NEUROD4: variants seen among roughly 807,000 people sequenced by gnomAD.
The protein encoded by NEUROD4 is neuronal differentiation 4, also known as neurogenic differentiation factor 4.
NEUROD4 carries 16 observed loss-of-function variants against 19.8 expected under a neutral mutation model. The ratio of observed to expected loss-of-function variants is 0.81; its 90% CI spans 0.55 to 1.23. The LOEUF (loss-of-function observed/expected upper bound fraction) is 1.23, where lower values mean the gene tolerates loss of function less well. NEUROD4 is among the 50% of genes most tolerant of loss of function. The probability of loss-of-function intolerance (pLI) is 0.00; values close to 1 mark genes in which losing one functional copy is unlikely to be tolerated. For synonymous variants in NEUROD4, 153 were observed against 147.9 expected, an observed-to-expected ratio of 1.03 and a Z score of -0.25; for missense variants, 439 against 398.6, an observed-to-expected ratio of 1.10 and a Z score of -0.86.
Position 55,029,528 on chromosome 12 carries a change from A to C in NEUROD4, c.*2093A>C, listed in dbSNP as rs1011801902. The C allele has an allele frequency of 6.0e-6, 1 of 167,014 alleles. No homozygotes were observed. Among genetic ancestry groups the C allele is most frequent in the Non-Finnish European group, 1.5e-5 (1 of 68,108 alleles). 10.3% of individuals were successfully genotyped at this position (167,014 alleles called of 1,614,324 possible). A position where few individuals can be genotyped will look rare whatever the true frequency, so the allele number is the denominator to read the frequency against. ...TTTATTTCTCTCTTCCTTTCACGAA[A>C]ATTCCTTTAGCCCCATAGATGTGCT... On this transcript the variant is annotated 3_prime_UTR_variant, in exon 2 of 2. Transcript: ENST00000242994.
intron 1 of NEUROD4, among the ~76,000 whole-genome samples, chr12:55,026,227 GA>G (rs1258261778): frequency 6.6e-6 from 1 of 152,086 alleles, no homozygotes; most frequent in African/African-American, 2.4e-5. Context: ...ACACTGCAAT[GA>G]ATAATCAAGT....
chr12:55,022,255 G>C lies in NEUROD4; in HGVS notation c.-10+1942G>C, dbSNP rs559985145. Among the ~76,000 whole-genome samples, 9 of 152,178 alleles carry C rather than the reference G, an allele frequency of 5.9e-5. No homozygotes were observed. The South Asian group carries it at 1.9e-3, about 32-fold the overall frequency. The stretch of plus-strand genomic sequence containing the variant: ...TCCATGCTTCTTTCAGTACACCTGT[G>C]AGATGGTTCCTTAACAGGCTGAAAG... On this transcript the variant is annotated intron_variant, in intron 1 of 1. Coordinates refer to ENST00000242994, the MANE Select transcript of NEUROD4 (RefSeq NM_021191.3).
At chr12:55,020,775 G>A (rs1952668647) in intron 1 of NEUROD4, among the ~76,000 whole-genome samples, 1 of 152,108 alleles carries the variant, frequency 6.6e-6, no homozygotes, top group Non-Finnish European at 1.5e-5. Flanking sequence ...AACAGAATGA[G>A]GAATCAGAGA....
Position 55,027,307 on chromosome 12 carries a change from T to C in NEUROD4, c.868T>C (p.Ser290Pro), listed in dbSNP as rs1474068393. 6.2e-7 allele frequency: 1 copy of C among 1,614,140 alleles called. No individual in the cohort carries two copies. Among genetic ancestry groups the C allele is most frequent in the East Asian group, 2.2e-5 (1 of 44,870 alleles). ...ACATTACCCTTCTTCAAGTCTAAGC[T>C]CAGGGCATGTGCATTCAACTCCTTT... ...MPHYPSSSLS[S>P]GHVHSTPFQA... The change falls in exon 2 of 2, where the codon TCA becomes CCA. Residue 290 changes from serine (S) to proline (P), a missense_variant. By Grantham distance (74) the Ser-to-Pro change is moderately conservative. Transcript: ENST00000242994.
Position 55,029,361 on chromosome 12 carries a change from C to G in NEUROD4, c.*1926C>G, listed in dbSNP as rs941335905. The G allele has an allele frequency of 6.0e-6, 1 of 166,904 alleles. No individual in the cohort carries two copies. The highest frequency in any genetic ancestry group is 1.5e-5 in the Non-Finnish European group (1 of 68,092). 10.3% of individuals were successfully genotyped at this position (166,904 alleles called of 1,614,324 possible). On this transcript the variant is annotated 3_prime_UTR_variant, in exon 2 of 2. Coordinates refer to ENST00000242994, the MANE Select transcript of NEUROD4 (RefSeq NM_021191.3). ...AAGTAAAATGATATATAAAGCCATA[C>G]TATGTGCTTTCTGAGTATATACTGC...
chr12:55,021,287 G>T (rs967671252), intron 1 of NEUROD4, among the ~76,000 whole-genome samples: 4 of 152,302 alleles, frequency 2.6e-5, no homozygotes, highest in Admixed American at 6.5e-5. Flanking sequence ...TGAACATCCT[G>T]ATTTGGATTC....
Position 55,026,731 on chromosome 12 carries a change from A to ACCCGGATGCATGGCCTGAATGACGCC in NEUROD4, c.294_319dup (p.Leu107ProfsTer6). ...AGTCAAGGCTAATGCCAGAGAACGG[A>ACCCGGATGCATGGCCTGAATGACGCC]CCCGGATGCATGGCCTGAATGACGC... On this transcript the variant is annotated frameshift_variant, in exon 2 of 2. Coordinates refer to ENST00000242994, the MANE Select transcript of NEUROD4 (RefSeq NM_021191.3). LOFTEE classifies it high-confidence loss of function. 1 of 1,614,120 alleles carries ACCCGGATGCATGGCCTGAATGACGCC rather than the reference A, an allele frequency of 6.2e-7. No homozygotes were observed. The highest frequency in any genetic ancestry group is 8.5e-7 in the Non-Finnish European group (1 of 1,180,018).
At position 55,027,285 on chromosome 12, in the gene NEUROD4, T is replaced by C. The variant is rs1278850378; in HGVS notation, c.846T>C (p.His282=). The part of the protein sequence containing the change: ...DLEKSYSFMP[H]YPSSSLSSGH... ...AAAAATCCTACAGCTTCATGCCACATTACCCTTCTTCAAGTCTAAGCTCAG... is the reference window on the plus strand; with the variant it reads ...AAAAATCCTACAGCTTCATGCCACACTACCCTTCTTCAAGTCTAAGCTCAG... The change falls in exon 2 of 2, where the codon CAT becomes CAC. Residue 282 remains histidine (H), a synonymous_variant. Transcript: ENST00000242994. The C allele has an allele frequency of 6.2e-7, 1 of 1,614,086 alleles. No individual in the cohort carries two copies. Among genetic ancestry groups the C allele is most frequent in the South Asian group, 1.1e-5 (1 of 91,082 alleles).
intron 1 of NEUROD4, among the ~76,000 whole-genome samples, chr12:55,024,746 A>G (rs980556929): frequency 6.6e-6 from 1 of 152,160 alleles, no homozygotes; most frequent in Non-Finnish European, 1.5e-5. Flanking sequence ...ATAAGTTCCA[A>G]TGTGTGTTTT....
rs777658108 is a variant in NEUROD4, at chr12:55,026,864, T to C, written c.425T>C (p.Val142Ala). Reference protein sequence around the residue: ...ARNYIWALSEVLETGQTPEGK... With the variant: ...ARNYIWALSEALETGQTPEGK... ...AACTATATTTGGGCTTTATCTGAAG[T>C]CCTGGAGACTGGCCAGACACCTGAA... Residue 142 changes from valine to alanine, a missense_variant, in exon 2 of 2, where the codon GTC becomes GCC. Physicochemically the swap from Val to Ala is moderately conservative, Grantham distance 64. Transcript: ENST00000242994. 1.8e-5 allele frequency: 29 copies of C among 1,614,068 alleles called. No homozygotes were observed. Among genetic ancestry groups the C allele is most frequent in the Non-Finnish European group, 2.3e-5 (27 of 1,179,994 alleles).
chr12:55,022,026 T>C (rs891159321), intron 1 of NEUROD4, among the ~76,000 whole-genome samples: 2 of 152,178 alleles, frequency 1.3e-5, no homozygotes, highest in Non-Finnish European at 1.5e-5. Context: ...ACAGCTTCTG[T>C]AAAACAATTG....
rs1952747982 is a variant in NEUROD4, at chr12:55,027,399, T to C, written c.960T>C (p.Gly320=). ...DMSYDSYPHH[G]IGTQLNTVFT... ...CCTATGATTCCTACCCCCATCATGGTATTGGGACCCAACTCAATACAGTCT... is the reference window on the plus strand; with the variant it reads ...CCTATGATTCCTACCCCCATCATGGCATTGGGACCCAACTCAATACAGTCT... The change falls in exon 2 of 2, where the codon GGT becomes GGC. Residue 320 remains glycine (G), a synonymous_variant. Coordinates refer to ENST00000242994, the MANE Select transcript of NEUROD4 (RefSeq NM_021191.3). 2 of 1,613,016 alleles carry C rather than the reference T, an allele frequency of 1.2e-6. No individual in the cohort carries two copies. The highest frequency in any genetic ancestry group is 1.3e-5 in the African/African-American group (1 of 75,016).
At position 55,026,741 on chromosome 12, in the gene NEUROD4, A is replaced by G. The variant is rs1478325938; in HGVS notation, c.302A>G (p.His101Arg). ...AATGCCAGAGAACGGACCCGGATGC[A>G]TGGCCTGAATGACGCCCTGGATAAC... ...KANARERTRM[H>R]GLNDALDNLR... is the part of the protein sequence containing the mutation. Residue 101 changes from histidine (H) to arginine (R), a missense_variant, in exon 2 of 2, where the codon CAT becomes CGT. His to Arg is a conservative substitution (Grantham distance 29). Coordinates refer to ENST00000242994, the MANE Select transcript of NEUROD4 (RefSeq NM_021191.3). 2 of 1,614,214 alleles carry G rather than the reference A, an allele frequency of 1.2e-6. No individual in the cohort carries two copies. The highest frequency in any genetic ancestry group is 1.7e-6 in the Non-Finnish European group (2 of 1,180,034).
chr12:55,027,747 C>A lies in NEUROD4; in HGVS notation c.*312C>A. The A allele has an allele frequency of 3.6e-6, 1 of 277,074 alleles. No individual in the cohort carries two copies. The highest frequency in any genetic ancestry group is 7.1e-6 in the Non-Finnish European group (1 of 139,890). 17.2% of individuals were successfully genotyped at this position (277,074 alleles called of 1,614,324 possible). A position where few individuals can be genotyped will look rare whatever the true frequency, so the allele number is the denominator to read the frequency against. The stretch of plus-strand genomic sequence containing the variant: ...GCATAATCTGTGCCAATTAATTTTC[C>A]ATTTCTGGCCTTTGTTTATTTACTA... On this transcript the variant is annotated 3_prime_UTR_variant, in exon 2 of 2. Transcript: ENST00000242994.
intron 1 of NEUROD4, among the ~76,000 whole-genome samples, chr12:55,024,850 G>A (rs982389549): frequency 1.1e-4 from 17 of 152,166 alleles, no homozygotes; most frequent in African/African-American, 2.7e-4. Context: ...GGCTGCTTTC[G>A]CAATGCAGTT....
At chr12:55,023,199 C>T (rs187895482) in intron 1 of NEUROD4, among the ~76,000 whole-genome samples, 34 of 152,176 alleles carry the variant, frequency 2.2e-4, no homozygotes, top group African/African-American at 7.7e-4. Flanking sequence ...GGAGTCTGTG[C>T]TATCTATCCC....
rs1952752486 is a variant in NEUROD4 at position 55,027,838 on chromosome 12, G to C, written c.*403G>C. The C allele has an allele frequency of 5.6e-6, 1 of 178,042 alleles. No homozygotes were observed. Among genetic ancestry groups the C allele is most frequent in the Non-Finnish European group, 1.3e-5 (1 of 76,258 alleles). 11.0% of individuals were successfully genotyped at this position (178,042 alleles called of 1,614,324 possible). ...ATTCTAAGTCCAGATGATTTCTAAA[G>C]TCCTTCACAGTTCTGAAATGCTATA... On this transcript the variant is annotated 3_prime_UTR_variant, in exon 2 of 2. Transcript: ENST00000242994.
chr12:55,029,426 A>C lies in NEUROD4; in HGVS notation c.*1991A>C, dbSNP rs1012525485. 7.8e-5 allele frequency: 13 copies of C among 167,040 alleles called. No homozygotes were observed. Among genetic ancestry groups the C allele is most frequent in the Non-Finnish European group, 2.9e-5 (2 of 68,116 alleles). The allele number at this position is 167,040 out of a possible 1,614,324, so 10.3% of individuals were successfully genotyped here. On this transcript the variant is annotated 3_prime_UTR_variant, in exon 2 of 2. Transcript: ENST00000242994. ...GCGGCTGTAGGAGGGTCTATCCTCG[A>C]AGCTAGCATTTTCTGGCATTTAAGT...
intron 1 of NEUROD4, among the ~76,000 whole-genome samples, chr12:55,026,024 CTT>C (rs1454735955): frequency 6.6e-6 from 1 of 152,054 alleles, no homozygotes; most frequent in African/African-American, 2.4e-5. Flanking sequence ...CACACATAGA[CTT>C]ATTTTTAGCA....
Sources: allele counts gnomAD v4.1 joint callset (sites outside exome capture counted in the v4.1 genomes callset), GRCh38; gene constraint gnomAD v4.1.1; transcripts MANE v1.5; gene names NCBI Gene and HGNC (gene_info 2026-07-23, HGNC 2026-07-21).